The following ARK2N variants were observed in gnomAD, a reference collection of about 807,000 sequenced individuals.
ARK2N encodes arkadia (RNF111) N-terminal like PKA signaling regulator 2N, also known as protein ARK2N.
chr18:46,254,876 C>T, the ARK2N span, among the ~76,000 whole-genome samples: 1 of 152,166 alleles, frequency 6.6e-6, no homozygotes, highest in Non-Finnish European at 1.5e-5. Flanking sequence ...ATCCTTTCCC[C>T]ACCTCCCCTG....
the ARK2N span, among the ~76,000 whole-genome samples, chr18:46,227,804 G>A: frequency 2.0e-5 from 3 of 152,018 alleles, no homozygotes; most frequent in African/African-American, 7.3e-5. Context: ...CTCCATGTTG[G>A]TCAGGCCGGT....
chr18:46,209,894 A>T, the ARK2N span, among the ~76,000 whole-genome samples: 4 of 152,044 alleles, frequency 2.6e-5, no homozygotes, highest in Non-Finnish European at 5.9e-5. Context: ...GTGCCTGGCC[A>T]ACAAACTGTT....
At chr18:46,242,223 C>A in the ARK2N span, among the ~76,000 whole-genome samples, 1 of 152,102 alleles carries the variant, frequency 6.6e-6, no homozygotes, top group Non-Finnish European at 1.5e-5. Context: ...TAAATATAGA[C>A]CATTTTATGG....
chr18:46,227,408 C>T, the ARK2N span, among the ~76,000 whole-genome samples: 8 of 151,954 alleles, frequency 5.3e-5, no homozygotes, highest in Admixed American at 5.2e-4. Context: ...CACATTTTTT[C>T]CTTTTCTGGT....
the ARK2N span, among the ~76,000 whole-genome samples, chr18:46,209,387 C>T: frequency 2.7e-5 from 4 of 150,904 alleles, no homozygotes; most frequent in Non-Finnish European, 5.9e-5. Flanking sequence ...TGAACTTCCT[C>T]AACTTTTCTC....
At chr18:46,186,767 C>T in the ARK2N span, among the ~76,000 whole-genome samples, 1,609 of 152,168 alleles carry the variant, frequency 0.011, 37 homozygotes, top group African/African-American at 0.036. Flanking sequence ...CTCGGCCTCC[C>T]AAAGTGCTGG....
chr18:46,230,327 C>A, the ARK2N span, among the ~76,000 whole-genome samples: 1 of 152,182 alleles, frequency 6.6e-6, no homozygotes, highest in Non-Finnish European at 1.5e-5. Flanking sequence ...ATGTATAGTA[C>A]TAATAATAGT....
chr18:46,218,291 T>C, the ARK2N span: 1 of 152,236 alleles, frequency 6.6e-6, no homozygotes, highest in Admixed American at 6.5e-5. Flanking sequence ...TGTCTGTTTC[T>C]TGTCTCTTCT....
At chr18:46,202,811 A>T in the ARK2N span, among the ~76,000 whole-genome samples, 1 of 151,810 alleles carries the variant, frequency 6.6e-6, no homozygotes, top group East Asian at 1.9e-4. Flanking sequence ...TTAAAAAAAA[A>T]AAAAAGAAAG....
chr18:46,253,700 A>G, the ARK2N span: 6 of 1,611,970 alleles, frequency 3.7e-6, no homozygotes, highest in Non-Finnish European at 5.1e-6. Flanking sequence ...CTCTCAGGTC[A>G]TTTGGATCCA....
At chr18:46,205,091 A>G in the ARK2N span, among the ~76,000 whole-genome samples, 1 of 151,978 alleles carries the variant, frequency 6.6e-6, no homozygotes, top group South Asian at 2.1e-4. Flanking sequence ...GTATTTTGGT[A>G]GAGACGGGTT....
At chr18:46,197,866 C>T in the ARK2N span, among the ~76,000 whole-genome samples, 1 of 152,142 alleles carries the variant, frequency 6.6e-6, no homozygotes, top group African/African-American at 2.4e-5. Flanking sequence ...ACTTTCACCT[C>T]TTTTATATTT....
chr18:46,208,214 C>G, the ARK2N span, among the ~76,000 whole-genome samples: 2 of 152,144 alleles, frequency 1.3e-5, no homozygotes, highest in African/African-American at 4.8e-5. Context: ...ACACCTAGTC[C>G]TCTGATAAAC....
At chr18:46,262,608 A>G in the ARK2N span, among the ~76,000 whole-genome samples, 1 of 152,228 alleles carries the variant, frequency 6.6e-6, no homozygotes. Flanking sequence ...GTGTTGCCCT[A>G]TCATGAAGAT....
the ARK2N span, chr18:46,231,949 G>T: frequency 0.73 from 111,425 of 151,812 alleles, 41,010 homozygotes; most frequent in Middle Eastern, 0.77. Context: ...AGAGATAGGG[G>T]TTCACCATGT....
chr18:46,198,016 T>C, the ARK2N span, among the ~76,000 whole-genome samples: 1 of 152,024 alleles, frequency 6.6e-6, no homozygotes, highest in African/African-American at 2.4e-5. Context: ...TTTTGAAAAT[T>C]GTGGGCCAGG....
the ARK2N span, chr18:46,218,295 C>T: frequency 3.3e-5 from 5 of 152,190 alleles, no homozygotes; most frequent in Non-Finnish European, 5.9e-5. Flanking sequence ...TGTTTCTTGT[C>T]TCTTCTGAAT....
chr18:46,230,495 C>G, the ARK2N span, among the ~76,000 whole-genome samples: 1 of 152,160 alleles, frequency 6.6e-6, no homozygotes, highest in South Asian at 2.1e-4. Context: ...TATTTGTACT[C>G]TATGAAGGGT....
the ARK2N span, among the ~76,000 whole-genome samples, chr18:46,202,811 A>AG: frequency 7.9e-5 from 12 of 151,928 alleles, no homozygotes; most frequent in South Asian, 2.5e-3. Context: ...TTAAAAAAAA[A>AG]AAAAAGAAAG....
Sources: allele counts gnomAD v4.1 joint callset (sites outside exome capture counted in the v4.1 genomes callset), GRCh38; gene constraint gnomAD v4.1.1; transcripts MANE v1.5; gene names NCBI Gene and HGNC (gene_info 2026-07-23, HGNC 2026-07-21).